LUZP2: variants seen among roughly 807,000 people sequenced by gnomAD.
LUZP2 encodes leucine zipper protein 2.
Under a neutral mutation model 51.6 loss-of-function variants are expected in LUZP2, and 52 were observed. The observed-to-expected ratio is 1.01, with a 90% CI of 0.81 to 1.27. The LOEUF is 1.27. LUZP2 is among the 50% of genes most tolerant of loss of function. The pLI, the probability that LUZP2 is intolerant of heterozygous loss-of-function variation, is 0.00. For synonymous variants in LUZP2, 154 were observed against 137.3 expected (o/e 1.12, Z -0.85); for missense variants, 436 against 395.4 (o/e 1.10, Z -0.87).
chr11:24,604,604 G>T (rs1399163233), intron 1 of LUZP2, among the ~76,000 whole-genome samples: 1 of 151,822 alleles, frequency 6.6e-6, no homozygotes, highest in African/African-American at 2.4e-5. Flanking sequence ...CAGCAGTATG[G>T]TCTCTGACAC....
intron 1 of LUZP2, among the ~76,000 whole-genome samples, chr11:24,713,683 GTT>G (rs374748977): frequency 4.5e-5 from 4 of 89,700 alleles, no homozygotes; most frequent in African/African-American, 1.8e-4. Flanking sequence ...GTGAGAATCT[GTT>G]TTTTTTTTTT....
intron 5 of LUZP2, among the ~76,000 whole-genome samples, chr11:24,855,625 T>C (rs1347307249): frequency 2.0e-5 from 3 of 152,206 alleles, no homozygotes; most frequent in African/African-American, 7.2e-5. Flanking sequence ...TTTTAACATT[T>C]ATATGGAACC....
rs139480470 is a variant in LUZP2 at position 24,857,007 on chromosome 11, A to G, written c.397-48984A>G. Among the ~76,000 whole-genome samples, 12 of 152,056 alleles carry G rather than the reference A, an allele frequency of 7.9e-5. No individual in the cohort carries two copies. In the East Asian group the frequency reaches 2.1e-3, roughly 27 times the overall value. On this transcript the variant is annotated intron_variant, in intron 5 of 11. Transcript: ENST00000336930. ...GGTTACAACATTCATTATTCAGGTG[A>G]TGGTTACACAAAAGCTAGACCTCAC... is the stretch of plus-strand genomic sequence containing the variant.
intron 9 of LUZP2, among the ~76,000 whole-genome samples, chr11:25,018,062 A>G (rs1171023702): frequency 6.3e-5 from 1 of 15,960 alleles, no homozygotes; most frequent in African/African-American, 1.6e-4. Flanking sequence ...TTTTTTTTGC[A>G]GCTGTTTTAA....
chr11:24,891,499 C>T, intron 5 of LUZP2: 1 of 958,494 alleles, frequency 1.0e-6, no homozygotes, highest in South Asian at 4.8e-5. Context: ...TATTATTATA[C>T]TTTATGCGAA....
intron 9 of LUZP2, among the ~76,000 whole-genome samples, chr11:25,003,017 C>T (rs1427851158): frequency 4.6e-5 from 7 of 152,192 alleles, no homozygotes; most frequent in Non-Finnish European, 7.3e-5. Flanking sequence ...AGGCTGTATT[C>T]ATTCCTTACG....
chr11:24,515,728 A>G (rs35546494), intron 1 of LUZP2, among the ~76,000 whole-genome samples: 1 of 152,170 alleles, frequency 6.6e-6, no homozygotes, highest in Non-Finnish European at 1.5e-5. Flanking sequence ...AATAATAATG[A>G]CAGAACTAAT....
chr11:24,756,119 A>T (rs1267777997), intron 4 of LUZP2, among the ~76,000 whole-genome samples: 1 of 152,140 alleles, frequency 6.6e-6, no homozygotes, highest in Non-Finnish European at 1.5e-5. Flanking sequence ...CTGTAGGCAA[A>T]GCTTAACTGT....
At chr11:24,965,823 G>T (rs1855566443) in intron 7 of LUZP2, among the ~76,000 whole-genome samples, 1 of 151,728 alleles carries the variant, frequency 6.6e-6, no homozygotes, top group East Asian at 1.9e-4. Context: ...ACATTGACTA[G>T]ATGTGTCTAT....
chr11:24,575,516 G>C (rs745945651), intron 1 of LUZP2, among the ~76,000 whole-genome samples: 1 of 152,118 alleles, frequency 6.6e-6, no homozygotes, highest in Non-Finnish European at 1.5e-5. Flanking sequence ...AATGATTCAT[G>C]ATTCCTATGA....
rs558738960 is a variant in LUZP2, at chr11:24,793,856, T to C, written c.396+30548T>C. On this transcript the variant is annotated intron_variant, in intron 5 of 11. Transcript: ENST00000336930. The stretch of plus-strand genomic sequence containing the variant: ...GCTGTCTTGAGTGGTTTTATCTTTT[T>C]CAAACCTACTCACAAAATAGTTATA... 7.4e-4 allele frequency among the ~76,000 whole-genome samples: 113 copies of C among 152,264 alleles called. 1 individual carries two copies. The highest frequency in any genetic ancestry group is 1.3e-3 in the Non-Finnish European group (89 of 68,008).
intron 9 of LUZP2, among the ~76,000 whole-genome samples, chr11:25,016,906 C>A (rs941692071): frequency 6.6e-6 from 1 of 150,828 alleles, no homozygotes; most frequent in Non-Finnish European, 1.5e-5. Context: ...GTATAAGCAT[C>A]CCCTTTTCAT....
chr11:24,608,039 C>T lies in LUZP2; in HGVS notation c.62+110734C>T, dbSNP rs1028760765. ...AATTTTTTTGTATTTTTAGTAGAGACGGGGTTTCACCGTGTTATGCAGGAA... is the reference window on the plus strand; with the variant it reads ...AATTTTTTTGTATTTTTAGTAGAGATGGGGTTTCACCGTGTTATGCAGGAA... On this transcript the variant is annotated intron_variant, in intron 1 of 11. Coordinates refer to ENST00000336930, the MANE Select transcript of LUZP2 (RefSeq NM_001009909.4). 3.3e-5 allele frequency among the ~76,000 whole-genome samples: 5 copies of T among 151,932 alleles called. No individual in the cohort carries two copies. In the South Asian group the frequency reaches 6.2e-4, roughly 19 times the overall value.
At chr11:25,046,771 A>G (rs1403376067) in intron 9 of LUZP2, among the ~76,000 whole-genome samples, 1 of 152,190 alleles carries the variant, frequency 6.6e-6, no homozygotes, top group Non-Finnish European at 1.5e-5. Context: ...ACTATAATAT[A>G]CATTTTTTAA....
intron 10 of LUZP2, among the ~76,000 whole-genome samples, chr11:25,076,611 G>T: frequency 2.1e-5 from 1 of 48,492 alleles, no homozygotes; most frequent in South Asian, 7.6e-4. Context: ...ACTAAGGAAG[G>T]AATGAAGGAA....
chr11:24,607,842 A>C lies in LUZP2; in HGVS notation c.62+110537A>C, dbSNP rs574185702. 3.2e-4 allele frequency among the ~76,000 whole-genome samples: 39 copies of C among 120,266 alleles called. No individual in the cohort carries two copies. The South Asian group carries it at 9.0e-3, about 28-fold the overall frequency. The allele number at this position is 120,266 out of a possible 152,430, so 78.9% of individuals were successfully genotyped here. On this transcript the variant is annotated intron_variant, in intron 1 of 11. Coordinates refer to ENST00000336930, the MANE Select transcript of LUZP2 (RefSeq NM_001009909.4). ...TATCTCTATTTTATTTTTTTTTTTC[A>C]TTTTTTATTTTAGTTTTTATTTTTG...
chr11:24,756,183 T>C (rs140022679), intron 4 of LUZP2, among the ~76,000 whole-genome samples: 2 of 152,202 alleles, frequency 1.3e-5, no homozygotes, highest in African/African-American at 4.8e-5. Context: ...CTTTGAGATA[T>C]CTTACATTTT....
At chr11:24,942,886 TTTAC>T (rs1393059082) in intron 7 of LUZP2, among the ~76,000 whole-genome samples, 2 of 152,166 alleles carry the variant, frequency 1.3e-5, no homozygotes, top group Admixed American at 1.3e-4. Context: ...TTTACCTGAA[TTTAC>T]GTTTTATATA....
chr11:24,771,649 T>A (rs75013994), intron 5 of LUZP2, among the ~76,000 whole-genome samples: 12,199 of 151,908 alleles, frequency 0.08, 1,058 homozygotes, highest in African/African-American at 0.22. Context: ...AAAGCTTAAT[T>A]ACTGACATGG....
Sources: gnomAD v4.1 joint callset for allele counts (sites outside exome capture counted in the v4.1 genomes callset) on GRCh38, gnomAD v4.1.1 for gene constraint, MANE v1.5 for transcripts, NCBI Gene and HGNC (gene_info 2026-07-23, HGNC 2026-07-21) for gene names.